GALNT13: variants seen among roughly 807,000 people sequenced by gnomAD.
GALNT13 encodes polypeptide N-acetylgalactosaminyltransferase 13, also known as UDP-GalNAc:polypeptide N-acetylgalactosaminyltransferase 13.
GALNT13 carries 28 observed loss-of-function variants against 64.2 expected under a neutral mutation model. The observed-to-expected ratio is 0.44, with a 90% CI of 0.32 to 0.60. The LOEUF is 0.60. Among genes scored for constraint, GALNT13 ranks in the 20% least tolerant of loss-of-function variants. The pLI is 0.05. For missense variants in GALNT13, 577 were observed against 669.8 expected, an observed-to-expected ratio of 0.86 and a Z score of 1.53; for synonymous variants, 214 against 224.6, an observed-to-expected ratio of 0.95 and a Z score of 0.42.
At chr2:154,246,457 T>G (rs1272325070) in intron 7 of GALNT13, among the ~76,000 whole-genome samples, 3 of 152,124 alleles carry the variant, frequency 2.0e-5, no homozygotes, top group African/African-American at 7.2e-5. Context: ...TTCAAAATTA[T>G]GAAGGGCTTA....
chr2:153,503,166 A>G, the GALNT13 span, among the ~76,000 whole-genome samples: 1 of 152,166 alleles, frequency 6.6e-6, no homozygotes, highest in Non-Finnish European at 1.5e-5. Context: ...CCCAATGTCT[A>G]AAATGATCTT....
At chr2:154,290,454 G>C (rs1178721127) in intron 8 of GALNT13, among the ~76,000 whole-genome samples, 2 of 152,212 alleles carry the variant, frequency 1.3e-5, no homozygotes, top group African/African-American at 4.8e-5. Flanking sequence ...ATTTATCTTA[G>C]GAGCAAGCCA....
the GALNT13 span, among the ~76,000 whole-genome samples, chr2:153,842,215 A>G: frequency 6.6e-6 from 1 of 152,124 alleles, no homozygotes; most frequent in Non-Finnish European, 1.5e-5. Context: ...AAGGAAGTAA[A>G]CTGAAATGAG....
At chr2:154,009,469 T>G (rs1168914019) in intron 3 of GALNT13, among the ~76,000 whole-genome samples, 1 of 151,718 alleles carries the variant, frequency 6.6e-6, no homozygotes, top group Non-Finnish European at 1.5e-5. Flanking sequence ...AGGAATAGCA[T>G]TGAATCTATA....
At chr2:153,370,277 C>T in the GALNT13 span, among the ~76,000 whole-genome samples, 1 of 152,064 alleles carries the variant, frequency 6.6e-6, no homozygotes, top group Non-Finnish European at 1.5e-5. Flanking sequence ...AATAATATTT[C>T]TTCTAAGAAA....
chr2:153,209,633 T>A, the GALNT13 span, among the ~76,000 whole-genome samples: 10 of 152,198 alleles, frequency 6.6e-5, no homozygotes, highest in Non-Finnish European at 1.0e-4. Flanking sequence ...TTAAAAATTA[T>A]TTTATGTCTT....
chr2:154,188,014 TTCTCTCTCTCTC>T (rs10635676), intron 4 of GALNT13, among the ~76,000 whole-genome samples: 9 of 144,344 alleles, frequency 6.2e-5, no homozygotes, highest in Admixed American at 7.0e-5. Flanking sequence ...GCATCAGGCA[TTCTCTCTCTCTC>T]TCTCTCTCTC....
At chr2:154,025,846 A>C (rs1214725033) in intron 3 of GALNT13, among the ~76,000 whole-genome samples, 1 of 151,956 alleles carries the variant, frequency 6.6e-6, no homozygotes, top group South Asian at 2.1e-4. Flanking sequence ...ACTACTTCCT[A>C]GGGGGTAACT....
chr2:154,036,341 A>C (rs1399047422), intron 3 of GALNT13, among the ~76,000 whole-genome samples: 1 of 152,116 alleles, frequency 6.6e-6, no homozygotes, highest in African/African-American at 2.4e-5. Context: ...CAAATTCTGC[A>C]TTGCAGATAC....
chr2:153,797,485 C>A, the GALNT13 span, among the ~76,000 whole-genome samples: 2 of 152,252 alleles, frequency 1.3e-5, no homozygotes, highest in East Asian at 3.9e-4. Flanking sequence ...AAATTAATCA[C>A]ATTGGCTCAA....
the GALNT13 span, among the ~76,000 whole-genome samples, chr2:153,218,883 G>A: frequency 6.6e-6 from 1 of 152,144 alleles, no homozygotes; most frequent in South Asian, 2.1e-4. Flanking sequence ...CTAGTTGGTT[G>A]ACTTGTGACC....
At chr2:153,714,751 C>A in the GALNT13 span, among the ~76,000 whole-genome samples, 7 of 152,174 alleles carry the variant, frequency 4.6e-5, no homozygotes, top group Non-Finnish European at 1.0e-4. Context: ...TAGGTCTATA[C>A]CCTTTGGGTT....
chr2:154,421,723 G>A (rs1700261122), intron 11 of GALNT13, among the ~76,000 whole-genome samples: 2 of 151,902 alleles, frequency 1.3e-5, no homozygotes, highest in Admixed American at 6.6e-5. Context: ...CTAATTTGAA[G>A]CATGTGTTAG....
At chr2:154,156,268 A>G (rs1260635464) in intron 4 of GALNT13, among the ~76,000 whole-genome samples, 1 of 152,084 alleles carries the variant, frequency 6.6e-6, no homozygotes, top group Non-Finnish European at 1.5e-5. Flanking sequence ...TAAATTCTTA[A>G]GTAAAATTCA....
the GALNT13 span, among the ~76,000 whole-genome samples, chr2:153,612,442 A>C: frequency 1.3e-5 from 2 of 152,320 alleles, no homozygotes; most frequent in Admixed American, 1.3e-4. Context: ...TGAAAGTAAC[A>C]AAGATGAGTT....
the GALNT13 span, among the ~76,000 whole-genome samples, chr2:153,534,888 T>C: frequency 6.6e-6 from 1 of 152,162 alleles, no homozygotes; most frequent in African/African-American, 2.4e-5. Context: ...TCAGGCCATC[T>C]GGGTGTATAC....
At chr2:153,810,894 A>G in the GALNT13 span, among the ~76,000 whole-genome samples, 1 of 152,228 alleles carries the variant, frequency 6.6e-6, no homozygotes, top group East Asian at 1.9e-4. Context: ...CAAACATCAC[A>G]TGTGATTTGT....
the GALNT13 span, among the ~76,000 whole-genome samples, chr2:153,683,123 GAT>G: frequency 9.2e-5 from 14 of 151,714 alleles, no homozygotes; most frequent in Admixed American, 9.2e-4. Flanking sequence ...AGATCAGGTA[GAT>G]ATATGGCACA....
intron 4 of GALNT13, among the ~76,000 whole-genome samples, chr2:154,198,543 G>A (rs1687000504): frequency 6.6e-6 from 1 of 151,892 alleles, no homozygotes; most frequent in African/African-American, 2.4e-5. Flanking sequence ...TCCTGGAACA[G>A]AAAATTTGGG....
Sources: allele counts gnomAD v4.1 joint callset (sites outside exome capture counted in the v4.1 genomes callset), GRCh38; gene constraint gnomAD v4.1.1; transcripts MANE v1.5; gene names NCBI Gene and HGNC (gene_info 2026-07-23, HGNC 2026-07-21).